Variants in ANKIB1 observed in about 807,000 individuals in gnomAD.
ANKIB1 encodes ankyrin repeat and IBR domain containing 1.
Under a neutral mutation model 122.1 loss-of-function variants are expected in ANKIB1, and 43 were observed. The observed-to-expected ratio is 0.35, with a 90% confidence interval of 0.28 to 0.45. The LOEUF is 0.45. Among genes scored for constraint, ANKIB1 ranks in the 20% least tolerant of loss-of-function variants. ANKIB1 has a pLI of 1.00. For missense variants in ANKIB1, 992 were observed against 1,329.5 expected (o/e 0.75, Z 3.95); for synonymous variants, 390 against 442.0 (o/e 0.88, Z 1.48).
intron 1 of ANKIB1, among the ~76,000 whole-genome samples, chr7:92,258,213 A>G (rs1455339482): frequency 6.6e-6 from 1 of 152,232 alleles, no homozygotes; most frequent in African/African-American, 2.4e-5. Context: ...CTACCCAAAA[A>G]CTCTGAATGT....
At chr7:92,297,082 A>G (rs147903581) in intron 2 of ANKIB1, among the ~76,000 whole-genome samples, 1 of 152,348 alleles carries the variant, frequency 6.6e-6, no homozygotes, top group African/African-American at 2.4e-5. Context: ...CTTACTGTTT[A>G]ATAGAGCTAT....
chr7:92,399,812 T>G lies in ANKIB1; in HGVS notation c.*863T>G, dbSNP rs1304512790. On this transcript the variant is annotated 3_prime_UTR_variant, in exon 20 of 20. Transcript: ENST00000265742. ...AAATACAGTTGATTAGCAACAGCGG[T>G]GCTGTATTTTAAGAGACACTTTATT... The G allele has an allele frequency of 1.3e-5, 2 of 152,180 alleles. No individual in the cohort carries two copies. The highest frequency in any genetic ancestry group is 2.9e-5 in the Non-Finnish European group (2 of 68,038). 9.4% of individuals were successfully genotyped at this position (152,180 alleles called of 1,614,324 possible).
intron 1 of ANKIB1, among the ~76,000 whole-genome samples, chr7:92,292,806 C>G (rs1427354316): frequency 6.6e-6 from 1 of 152,150 alleles, no homozygotes; most frequent in African/African-American, 2.4e-5. Flanking sequence ...TTTATACACA[C>G]AAACACACAC....
chr7:92,309,939 A>T (rs1479203698), intron 3 of ANKIB1, among the ~76,000 whole-genome samples: 1 of 132,282 alleles, frequency 7.6e-6, no homozygotes, highest in Non-Finnish European at 1.6e-5. Context: ...AAAAAAAAAA[A>T]AAAATATATA....
rs753496363 is a variant in ANKIB1 at position 92,348,037 on chromosome 7, C to T, written c.1086-2913C>T. On this transcript the variant is annotated intron_variant, in intron 7 of 19. Transcript: ENST00000265742. ...TATAGGTAAGGTTTGCCCCAGATTTCTCTCTTTTAGTGACACTTATCAACT... is the reference window on the plus strand; with the variant it reads ...TATAGGTAAGGTTTGCCCCAGATTTTTCTCTTTTAGTGACACTTATCAACT... 106 of 434,782 alleles carry T rather than the reference C, an allele frequency of 2.4e-4. 3 individuals are homozygous for T. Among genetic ancestry groups the T allele is most frequent in the South Asian group, 1.7e-3 (104 of 59,924 alleles). The allele number at this position is 434,782 out of a possible 1,614,324, so 26.9% of individuals were successfully genotyped here. A position where few individuals can be genotyped will look rare whatever the true frequency, so the allele number is the denominator to read the frequency against.
At chr7:92,380,497 C>T (rs1397972669) in intron 11 of ANKIB1, among the ~76,000 whole-genome samples, 4 of 152,164 alleles carry the variant, frequency 2.6e-5, no homozygotes, top group Non-Finnish European at 4.4e-5. Flanking sequence ...CGACTGACAC[C>T]TCATACAGCC....
intron 1 of ANKIB1, among the ~76,000 whole-genome samples, chr7:92,268,695 C>G (rs1215281775): frequency 1.3e-5 from 2 of 152,230 alleles, no homozygotes; most frequent in African/African-American, 4.8e-5. Context: ...AGGCTTGTCT[C>G]TAACTCCTGG....
intron 8 of ANKIB1, 124 bp downstream of exon 8, chr7:92,351,218 A>G: frequency 1.2e-6 from 1 of 822,798 alleles, no homozygotes; most frequent in Non-Finnish European, 1.7e-6. Flanking sequence ...TGTTAGAAAC[A>G]CTTTATCAGA....
chr7:92,289,975 C>T (rs1802212714), intron 1 of ANKIB1, among the ~76,000 whole-genome samples: 1 of 152,140 alleles, frequency 6.6e-6, no homozygotes, highest in African/African-American at 2.4e-5. Context: ...CACCACCACA[C>T]CTGGCTAATT....
chr7:92,370,016 A>G (rs1247256825), intron 10 of ANKIB1, among the ~76,000 whole-genome samples: 1 of 152,218 alleles, frequency 6.6e-6, no homozygotes, highest in Admixed American at 6.5e-5. Context: ...AATGAAGAGT[A>G]TAAGTTTGAT....
intron 10 of ANKIB1, among the ~76,000 whole-genome samples, chr7:92,368,596 C>T (rs545203538): frequency 6.6e-6 from 1 of 152,110 alleles, no homozygotes; most frequent in East Asian, 1.9e-4. Flanking sequence ...TGGCGGGCAC[C>T]TGTAGTCCCA....
At chr7:92,333,949 C>T (rs1448996032) in intron 5 of ANKIB1, among the ~76,000 whole-genome samples, 1 of 152,020 alleles carries the variant, frequency 6.6e-6, no homozygotes, top group Non-Finnish European at 1.5e-5. Flanking sequence ...TTATATGTGA[C>T]ACATTTTAAC....
intron 11 of ANKIB1, among the ~76,000 whole-genome samples, chr7:92,375,697 T>G (rs1804364489): frequency 6.6e-6 from 1 of 152,216 alleles, no homozygotes; most frequent in Non-Finnish European, 1.5e-5. Flanking sequence ...CTGTTCATGT[T>G]GATATTTTTA....
intron 4 of ANKIB1, chr7:92,319,781 A>T (rs1802865997): frequency 3.0e-6 from 1 of 331,190 alleles, no homozygotes; most frequent in Non-Finnish European, 5.5e-6. Context: ...AAAAAATTTT[A>T]AAAATTTGCC....
intron 2 of ANKIB1, among the ~76,000 whole-genome samples, chr7:92,307,150 A>G (rs1802578002): frequency 6.6e-6 from 1 of 151,596 alleles, no homozygotes; most frequent in African/African-American, 2.4e-5. Context: ...AGATATTTAC[A>G]TTTATTTTTC....
Position 92,350,950 on chromosome 7 carries a change from GT to G in ANKIB1, c.1091del (p.Leu364Ter). ...GATGTGCATTGATCCATTTTAATAG[GT>G]TTTTGAATCTGAAAATTCAAGAAGG... ...HDFCRGCWESFLNLKIQEGEA... is the reference protein window; with the variant it reads ...HDFCRGCWESXLNLKIQEGEA... On this transcript the variant is annotated frameshift_variant and splice_region_variant, in exon 8 of 20. Transcript: ENST00000265742. LOFTEE classifies it high-confidence loss of function. The G allele has an allele frequency of 1.2e-6, 2 of 1,602,220 alleles. No homozygotes were observed. Among genetic ancestry groups the G allele is most frequent in the South Asian group, 1.1e-5 (1 of 88,258 alleles).
intron 2 of ANKIB1, among the ~76,000 whole-genome samples, chr7:92,302,796 A>G (rs1447602192): frequency 6.6e-6 from 1 of 152,158 alleles, no homozygotes; most frequent in East Asian, 1.9e-4. Context: ...GTTCTTTTCA[A>G]TAAATTGAAA....
chr7:92,257,284 T>A (rs1004033822), intron 1 of ANKIB1, among the ~76,000 whole-genome samples: 1 of 152,128 alleles, frequency 6.6e-6, no homozygotes, highest in Non-Finnish European at 1.5e-5. Flanking sequence ...TTAGTTTCTG[T>A]GAAACTTAGT....
Position 92,387,933 on chromosome 7 carries a change from A to T in ANKIB1, c.1840-42A>T. The T allele has an allele frequency of 1.9e-6, 3 of 1,604,222 alleles. No homozygotes were observed. In the South Asian group the frequency reaches 3.3e-5, roughly 18 times the overall value. On this transcript the variant is annotated intron_variant, in intron 13 of 19. Coordinates refer to ENST00000265742, the MANE Select transcript of ANKIB1 (RefSeq NM_019004.2). ...GAGCTGACCTATACTGTTGTGAATA[A>T]ATAAAGAGAATGGTTTAAATTCTTT...
Sources: gnomAD v4.1 joint callset for allele counts (sites outside exome capture counted in the v4.1 genomes callset) on GRCh38, gnomAD v4.1.1 for gene constraint, MANE v1.5 for transcripts, NCBI Gene and HGNC (gene_info 2026-07-23, HGNC 2026-07-21) for gene names.